The following CDH1 variants were observed in gnomAD, a reference collection of about 807,000 sequenced individuals.
The protein encoded by CDH1 is cadherin 1, also known as cadherin-1.
CDH1 carries 35 observed loss-of-function variants against 84.5 expected under a neutral mutation model. The observed-to-expected ratio is 0.41, with a 90% CI of 0.32 to 0.55. CDH1 has a LOEUF of 0.55. Among genes scored for constraint, CDH1 ranks in the 20% least tolerant of loss-of-function variants. The pLI, the probability that CDH1 is intolerant of heterozygous loss-of-function variation, is 0.19. For synonymous variants in CDH1, 417 were observed against 439.0 expected (o/e 0.95, Z 0.63); for missense variants, 994 against 1,126.6 (o/e 0.88, Z 1.68).
intron 5 of CDH1, 53 bp from the exon 6 acceptor site, chr16:68,810,144 C>T (rs1597892226): frequency 6.2e-7 from 1 of 1,608,724 alleles, no homozygotes. Flanking sequence ...GGCCCCTTCT[C>T]CCATGTTTTC....
chr16:68,799,119 A>G (rs1960433580), intron 2 of CDH1, among the ~76,000 whole-genome samples: 1 of 152,212 alleles, frequency 6.6e-6, no homozygotes, highest in Non-Finnish European at 1.5e-5. Flanking sequence ...AGGTTTAGCA[A>G]TTTGCTAAGG....
chr16:68,798,617 A>G (rs912389627), intron 2 of CDH1, among the ~76,000 whole-genome samples: 7 of 151,938 alleles, frequency 4.6e-5, no homozygotes, highest in Non-Finnish European at 8.8e-5. Context: ...AACCATTTTC[A>G]TTTTTTCAGG....
chr16:68,738,141 AG>A (rs1361385547), intron 1 of CDH1, among the ~76,000 whole-genome samples, 155 bp from the exon 2 acceptor site: 1 of 144,060 alleles, frequency 6.9e-6, no homozygotes, highest in African/African-American at 2.6e-5. Context: ...GGGGTGGGGG[AG>A]GGTGACGTCG....
At chr16:68,775,278 T>C (rs540714499) in intron 2 of CDH1, among the ~76,000 whole-genome samples, 1 of 152,344 alleles carries the variant, frequency 6.6e-6, no homozygotes, top group East Asian at 1.9e-4. Context: ...CACCCCTAAA[T>C]ACTTTAGTCT....
rs35606263 is a variant in CDH1, at chr16:68,801,720, G to C, written c.214G>C (p.Asp72His). The C allele has an allele frequency of 6.2e-7, 1 of 1,614,010 alleles. No individual in the cohort carries two copies. Among genetic ancestry groups the C allele is most frequent in the Non-Finnish European group, 8.5e-7 (1 of 1,180,004 alleles). The change falls in exon 3 of 16, where the codon GAC becomes CAC. Residue 72 changes from aspartate (D) to histidine (H), a missense_variant. Transcript: ENST00000261769. The stretch of plus-strand genomic sequence containing the variant: ...ACAAAGGACAGCCTATTTTTCCCTC[G>C]ACACCCGATTCAAAGTGGGCACAGA... ...GRQRTAYFSL[D>H]TRFKVGTDGV...
chr16:68,815,875 T>G, intron 10 of CDH1, 116 bp downstream of exon 10: 1 of 1,235,762 alleles, frequency 8.1e-7, no homozygotes, highest in Non-Finnish European at 1.2e-6. Context: ...ACAAGACCAT[T>G]CTCTTAATTT....
chr16:68,748,752 G>A (rs1052338921), intron 2 of CDH1, among the ~76,000 whole-genome samples: 2 of 152,228 alleles, frequency 1.3e-5, no homozygotes, highest in Admixed American at 6.5e-5. Context: ...AGAGACAGTC[G>A]GTTCCCACTG....
intron 13 of CDH1, among the ~76,000 whole-genome samples, chr16:68,824,858 A>G (rs1485981654): frequency 3.9e-5 from 6 of 152,228 alleles, no homozygotes; most frequent in Non-Finnish European, 7.3e-5. Context: ...TCAAAAGACA[A>G]AGTATCCATA....
Position 68,833,962 on chromosome 16 carries a change from T to A in CDH1, c.*463T>A. 5.0e-6 allele frequency: 1 copy of A among 199,296 alleles called. No individual in the cohort carries two copies. Among genetic ancestry groups the A allele is most frequent in the Non-Finnish European group, 1.0e-5 (1 of 98,472 alleles). 12.3% of individuals were successfully genotyped at this position (199,296 alleles called of 1,614,324 possible). A position where few individuals can be genotyped will look rare whatever the true frequency, so the allele number is the denominator to read the frequency against. ...ACTACACTGGTGTGTCCCTCTGCCT[T>A]TTTTTTTTTTTTAAGACAGGGTCTC... On this transcript the variant is annotated 3_prime_UTR_variant, in exon 16 of 16. Coordinates refer to ENST00000261769, the MANE Select transcript of CDH1 (RefSeq NM_004360.5).
chr16:68,776,692 G>A (rs1174433822), intron 2 of CDH1, among the ~76,000 whole-genome samples: 1 of 152,118 alleles, frequency 6.6e-6, no homozygotes, highest in Non-Finnish European at 1.5e-5. Flanking sequence ...TTATATTGCA[G>A]CTTTTAAAGA....
chr16:68,822,291 C>A, intron 12 of CDH1, 66 bp downstream of exon 12: 1 of 1,065,808 alleles, frequency 9.4e-7, no homozygotes, highest in Admixed American at 1.8e-5. Context: ...CCCCAGATCC[C>A]CACCTTTCAA....
chr16:68,835,189 G>A lies in CDH1; in HGVS notation c.*1690G>A, dbSNP rs1361712048. The A allele has an allele frequency of 4.3e-6, 1 of 231,100 alleles. No homozygotes were observed. Among genetic ancestry groups the A allele is most frequent in the African/African-American group, 2.2e-5 (1 of 45,196 alleles). 14.3% of individuals were successfully genotyped at this position (231,100 alleles called of 1,614,324 possible). A position where few individuals can be genotyped will look rare whatever the true frequency, so the allele number is the denominator to read the frequency against. The stretch of plus-strand genomic sequence containing the variant: ...CCTAAAGGGGGTTAGTTGAGGGGTA[G>A]GGGGTAGTGAGGATCTTGATTTGGA... On this transcript the variant is annotated 3_prime_UTR_variant, in exon 16 of 16. Transcript: ENST00000261769.
At chr16:68,822,904 G>A (rs1026826219) in intron 12 of CDH1, 23 of 222,874 alleles carry the variant, frequency 1.0e-4, no homozygotes, top group African/African-American at 4.0e-4. Context: ...AGAAGAACCT[G>A]AACTGGACCC....
chr16:68,804,824 CTTTT>C (rs5817653), intron 3 of CDH1, among the ~76,000 whole-genome samples: 4 of 69,668 alleles, frequency 5.7e-5, no homozygotes, highest in South Asian at 5.6e-4. Flanking sequence ...GTAACAAAAT[CTTTT>C]TTTTTTTTTT....
intron 2 of CDH1, among the ~76,000 whole-genome samples, chr16:68,769,466 CTT>C (rs56958523): frequency 0.068 from 9,981 of 146,344 alleles, 826 homozygotes; most frequent in African/African-American, 0.2. Flanking sequence ...AATGGAATTT[CTT>C]TTTTTTTTTT....
intron 3 of CDH1, among the ~76,000 whole-genome samples, chr16:68,806,261 C>T (rs1261574422): frequency 2.6e-5 from 4 of 152,022 alleles, no homozygotes; most frequent in African/African-American, 9.7e-5. Context: ...AAGCAATTCT[C>T]ACGCCTCAGC....
At chr16:68,771,611 G>A (rs1348171209) in intron 2 of CDH1, among the ~76,000 whole-genome samples, 2 of 152,072 alleles carry the variant, frequency 1.3e-5, no homozygotes, top group Non-Finnish European at 2.9e-5. Context: ...AATTAGCTGG[G>A]CGTGGTGGCG....
chr16:68,769,757 A>G (rs12934935), intron 2 of CDH1, among the ~76,000 whole-genome samples: 1 of 151,794 alleles, frequency 6.6e-6, no homozygotes, highest in Non-Finnish European at 1.5e-5. Flanking sequence ...GGGAGACCCC[A>G]TCTCTACAAA....
chr16:68,814,618 T>C (rs979194876), intron 9 of CDH1: 5 of 152,194 alleles, frequency 3.3e-5, no homozygotes, highest in East Asian at 1.9e-4. Flanking sequence ...TCTGCTTTAA[T>C]AGGCTCTTTC....
Sources: allele counts gnomAD v4.1 joint callset (sites outside exome capture counted in the v4.1 genomes callset), GRCh38; gene constraint gnomAD v4.1.1; transcripts MANE v1.5; gene names NCBI Gene and HGNC (gene_info 2026-07-23, HGNC 2026-07-21).